The following SETBP1 variants were observed in gnomAD, a reference collection of about 807,000 sequenced individuals.
SETBP1 encodes SET-binding protein.
A neutral mutation model predicts 101.0 loss-of-function variants in SETBP1; 9 were observed. The ratio of observed to expected loss-of-function variants is 0.09; its 90% CI spans 0.05 to 0.16. The LOEUF is 0.16. Among genes scored for constraint, SETBP1 ranks in the 10% least tolerant of loss-of-function variants. The pLI, the probability that SETBP1 is intolerant of heterozygous loss-of-function variation, is 1.00. For synonymous variants in SETBP1, 818 were observed against 788.5 expected (o/e 1.04, Z -0.63); for missense variants, 1,858 against 2,033.8 (o/e 0.91, Z 1.66).
chr18:44,869,375 C>T lies in SETBP1; in HGVS notation c.540+92C>T, dbSNP rs2069216459. 4 of 1,188,626 alleles carry T rather than the reference C, an allele frequency of 3.4e-6. No homozygotes were observed. In the South Asian group the frequency reaches 3.6e-5, roughly 11 times the overall value. 73.6% of individuals were successfully genotyped at this position (1,188,626 alleles called of 1,614,324 possible). On this transcript the variant is annotated intron_variant, in intron 3 of 5. Transcript: ENST00000649279. ...AGCACCTTTGGGGCCAGGACAGAAACCCGAACCTTGGATTTCTAGCTTCTT... is the reference window on the plus strand; with the variant it reads ...AGCACCTTTGGGGCCAGGACAGAAATCCGAACCTTGGATTTCTAGCTTCTT...
intron 2 of SETBP1, among the ~76,000 whole-genome samples, chr18:44,734,550 A>G (rs894716791): frequency 1.3e-5 from 2 of 152,198 alleles, no homozygotes; most frequent in Admixed American, 1.3e-4. Flanking sequence ...ACTTCCGTGA[A>G]TTCCCTGACC....
intron 4 of SETBP1, among the ~76,000 whole-genome samples, chr18:45,022,326 C>T (rs2073087982): frequency 6.6e-6 from 1 of 152,174 alleles, no homozygotes; most frequent in Non-Finnish European, 1.5e-5. Flanking sequence ...CCCAAACATG[C>T]GGTACTGTTG....
intron 2 of SETBP1, among the ~76,000 whole-genome samples, chr18:44,773,926 A>G (rs1350654020): frequency 6.7e-6 from 1 of 149,710 alleles, no homozygotes; most frequent in African/African-American, 2.5e-5. Context: ...TGGTGAGGTA[A>G]AAGGCATAGC....
intron 2 of SETBP1, among the ~76,000 whole-genome samples, chr18:44,859,116 G>A (rs1038023170): frequency 1.3e-5 from 2 of 152,076 alleles, no homozygotes; most frequent in Non-Finnish European, 2.9e-5. Context: ...ACTTGTTTGG[G>A]GAGAGAAGAT....
At chr18:44,856,911 T>C (rs1461000184) in intron 2 of SETBP1, among the ~76,000 whole-genome samples, 2 of 152,236 alleles carry the variant, frequency 1.3e-5, no homozygotes, top group Non-Finnish European at 2.9e-5. Flanking sequence ...CCTTGCTTTG[T>C]ATAGCTCCCC....
intron 5 of SETBP1, among the ~76,000 whole-genome samples, chr18:45,061,041 A>G (rs1401536345): frequency 6.6e-6 from 1 of 152,242 alleles, no homozygotes; most frequent in Non-Finnish European, 1.5e-5. Flanking sequence ...ACTGATATAA[A>G]CTAAAGAGAG....
intron 2 of SETBP1, among the ~76,000 whole-genome samples, chr18:44,730,885 C>A (rs1185498233): frequency 6.6e-6 from 1 of 152,290 alleles, no homozygotes; most frequent in South Asian, 2.1e-4. Flanking sequence ...AAAACTAGAG[C>A]CATTTTGTCA....
intron 2 of SETBP1, among the ~76,000 whole-genome samples, chr18:44,759,149 T>A (rs935137934): frequency 3.3e-5 from 5 of 152,196 alleles, no homozygotes; most frequent in Non-Finnish European, 7.3e-5. Flanking sequence ...ATATTTCAGT[T>A]ATCAAAATGT....
chr18:44,888,381 G>C (rs1187486858), intron 3 of SETBP1, among the ~76,000 whole-genome samples: 1 of 152,010 alleles, frequency 6.6e-6, no homozygotes, highest in African/African-American at 2.4e-5. Context: ...TCAGTGCTTG[G>C]AGGAGCCTTT....
At chr18:44,681,992 A>G (rs2068767377) in intron 1 of SETBP1, among the ~76,000 whole-genome samples, 1 of 152,006 alleles carries the variant, frequency 6.6e-6, no homozygotes, top group South Asian at 2.1e-4. Context: ...CTTTCCCCTT[A>G]AAGTTTAGTT....
chr18:44,701,298 C>T lies in SETBP1; in HGVS notation c.-49C>T. ...CTCTTTTCTCACCTTTCCCTTTTCC[C>T]TTTTCCCCTTCCCCCTCCTGAGAAC... On this transcript the variant is annotated 5_prime_UTR_variant, in exon 2 of 6. Coordinates refer to ENST00000649279, the MANE Select transcript of SETBP1 (RefSeq NM_015559.3). The T allele has an allele frequency of 6.9e-7, 1 of 1,451,938 alleles. No homozygotes were observed. Among genetic ancestry groups the T allele is most frequent in the South Asian group, 1.5e-5 (1 of 66,394 alleles). 89.9% of individuals were successfully genotyped at this position (1,451,938 alleles called of 1,614,324 possible). A position where few individuals can be genotyped will look rare whatever the true frequency, so the allele number is the denominator to read the frequency against.
intron 3 of SETBP1, among the ~76,000 whole-genome samples, chr18:44,881,991 C>T (rs924635293): frequency 2.2e-4 from 34 of 152,070 alleles, no homozygotes; most frequent in African/African-American, 6.8e-4. Context: ...TAGCTCTGGG[C>T]GGAGAGACTT....
chr18:44,845,316 C>T (rs2072702940), intron 2 of SETBP1, among the ~76,000 whole-genome samples: 1 of 152,146 alleles, frequency 6.6e-6, no homozygotes, highest in Non-Finnish European at 1.5e-5. Context: ...AGCCCCCTTC[C>T]ACTCTCCTCA....
chr18:44,991,800 A>G (rs1485039687), intron 4 of SETBP1, among the ~76,000 whole-genome samples: 1 of 152,196 alleles, frequency 6.6e-6, no homozygotes, highest in Non-Finnish European at 1.5e-5. Flanking sequence ...ATTGTAATAA[A>G]CACGCATAAG....
Position 44,765,331 on chromosome 18 carries a change from T to C in SETBP1, c.486+63499T>C, listed in dbSNP as rs1490176931. Among the ~76,000 whole-genome samples the C allele has an allele frequency of 1.2e-4, 19 of 152,200 alleles. 1 individual carries two copies. The highest frequency in any genetic ancestry group is 1.2e-3 in the Admixed American group (19 of 15,288). On this transcript the variant is annotated intron_variant, in intron 2 of 5. Coordinates refer to ENST00000649279, the MANE Select transcript of SETBP1 (RefSeq NM_015559.3). ...AAAGAAGTTTTCCCATTGGTTTTGT[T>C]TCTCTCTCTTTGGAACAAGATAGCG...
chr18:44,876,164 G>T (rs577274658), intron 3 of SETBP1, among the ~76,000 whole-genome samples: 2 of 152,300 alleles, frequency 1.3e-5, no homozygotes, highest in East Asian at 3.9e-4. Context: ...AGTGGTGTTT[G>T]TCCCTCCCAC....
chr18:44,714,082 G>A (rs1256800343), intron 2 of SETBP1, among the ~76,000 whole-genome samples: 2 of 152,212 alleles, frequency 1.3e-5, no homozygotes, highest in Admixed American at 6.5e-5. Flanking sequence ...GTTGTTAAAG[G>A]TGAAGTCTAT....
chr18:44,949,750 G>A, intron 3 of SETBP1, 131 bp from the exon 4 acceptor site: 1 of 755,170 alleles, frequency 1.3e-6, no homozygotes, highest in Non-Finnish European at 2.3e-6. Context: ...AAAGGTGGCT[G>A]TTCATTTCGG....
intron 2 of SETBP1, among the ~76,000 whole-genome samples, chr18:44,821,382 C>T (rs2072112278): frequency 6.6e-6 from 1 of 152,200 alleles, no homozygotes; most frequent in Admixed American, 6.5e-5. Flanking sequence ...CTCAGACATT[C>T]TTTGTCTTTC....
Sources: gnomAD v4.1 joint callset for allele counts (sites outside exome capture counted in the v4.1 genomes callset) on GRCh38, gnomAD v4.1.1 for gene constraint, MANE v1.5 for transcripts, NCBI Gene and HGNC (gene_info 2026-07-23, HGNC 2026-07-21) for gene names.